TMEM178B: variants seen among roughly 807,000 people sequenced by gnomAD.
The protein encoded by TMEM178B is transmembrane protein 178B.
Under a neutral mutation model 31.0 loss-of-function variants are expected in TMEM178B, and 5 were observed. The ratio of observed to expected loss-of-function variants is 0.16; its 90% CI spans 0.08 to 0.34. The LOEUF (loss-of-function observed/expected upper bound fraction) is 0.34. Ranked by LOEUF, TMEM178B falls within the 10% of genes least tolerant of loss-of-function variation. The probability of loss-of-function intolerance (pLI) is 1.00; values close to 1 mark genes in which losing one functional copy is unlikely to be tolerated. For missense variants in TMEM178B, 275 were observed against 400.3 expected, an observed-to-expected ratio of 0.69 and a Z score of 2.67; for synonymous variants, 164 against 164.0, an observed-to-expected ratio of 1.00 and a Z score of 0.00.
intron 2 of TMEM178B, among the ~76,000 whole-genome samples, chr7:141,370,108 A>AC (rs1252288183): frequency 7.6e-6 from 1 of 130,768 alleles, no homozygotes; most frequent in East Asian, 2.1e-4. Context: ...ACCGGGAGGA[A>AC]CCCCCCAAGT....
At chr7:141,115,515 A>G (rs1313417245) in intron 1 of TMEM178B, among the ~76,000 whole-genome samples, 1 of 152,234 alleles carries the variant, frequency 6.6e-6, no homozygotes, top group African/African-American at 2.4e-5. Flanking sequence ...CATAGGACTC[A>G]GAACTTTCCC....
In TMEM178B at chr7:141,345,614, C is replaced by A. The variant is rs559708935; in HGVS notation, c.497-91994C>A. ...TGATTTTGTCATTCTCTTTACCCTG[C>A]AATGGGCTTGGTACAGATGGTTCGT... On this transcript the variant is annotated intron_variant, in intron 2 of 3. Coordinates refer to ENST00000565468, the MANE Select transcript of TMEM178B (RefSeq NM_001195278.2). 2.0e-5 allele frequency among the ~76,000 whole-genome samples: 3 copies of A among 152,288 alleles called. No homozygotes were observed. The South Asian group carries it at 6.2e-4, about 32-fold the overall frequency.
At chr7:141,405,173 A>C (rs1431079526) in intron 2 of TMEM178B, among the ~76,000 whole-genome samples, 1 of 152,242 alleles carries the variant, frequency 6.6e-6, no homozygotes, top group Admixed American at 6.5e-5. Flanking sequence ...CTTGAGTACT[A>C]ATCCAGTGGA....
intron 1 of TMEM178B, among the ~76,000 whole-genome samples, chr7:141,083,148 G>A (rs752170600): frequency 6.6e-5 from 10 of 152,060 alleles, no homozygotes; most frequent in Admixed American, 2.6e-4. Context: ...AATCACAAGC[G>A]TCTATTTAGA....
chr7:141,303,542 A>C (rs578019963), intron 2 of TMEM178B, among the ~76,000 whole-genome samples: 10 of 152,274 alleles, frequency 6.6e-5, no homozygotes, highest in Non-Finnish European at 8.8e-5. Flanking sequence ...TCATGAGAGG[A>C]GCGCCATGCT....
intron 1 of TMEM178B, among the ~76,000 whole-genome samples, chr7:141,158,553 A>G (rs1796113517): frequency 6.6e-6 from 1 of 152,224 alleles, no homozygotes; most frequent in Admixed American, 6.5e-5. Context: ...CAGCCTCCCC[A>G]AAGCCATCCT....
chr7:141,483,739 CTT>C (rs34741245), downstream of TMEM178B, among the ~76,000 whole-genome samples: 7 of 144,014 alleles, frequency 4.9e-5, no homozygotes, highest in Admixed American at 1.4e-4. Context: ...TGCCCTTCTT[CTT>C]TTTTTTTTTT....
At chr7:141,188,060 G>GT (rs1796639423) in intron 1 of TMEM178B, among the ~76,000 whole-genome samples, 1 of 152,104 alleles carries the variant, frequency 6.6e-6, no homozygotes, top group South Asian at 2.1e-4. Flanking sequence ...TTCTTCTAGG[G>GT]TTTTTATGGT....
At chr7:141,376,337 AT>A (rs1800213560) in intron 2 of TMEM178B, among the ~76,000 whole-genome samples, 1 of 152,250 alleles carries the variant, frequency 6.6e-6, no homozygotes, top group South Asian at 2.1e-4. Context: ...TACTTGGGAA[AT>A]AAACATTTGT....
At chr7:141,409,954 G>C (rs1046563233) in intron 2 of TMEM178B, among the ~76,000 whole-genome samples, 5 of 152,078 alleles carry the variant, frequency 3.3e-5, no homozygotes, top group African/African-American at 1.2e-4. Flanking sequence ...CTGAGCCCCG[G>C]GTGACATATG....
At chr7:141,501,764 C>T in the TMEM178B span, among the ~76,000 whole-genome samples, 2 of 152,162 alleles carry the variant, frequency 1.3e-5, no homozygotes, top group Admixed American at 1.3e-4. Context: ...GGGTCTCCAG[C>T]CTGCCAGGTT....
chr7:141,103,364 C>CT (rs1212975528), intron 1 of TMEM178B, among the ~76,000 whole-genome samples: 24 of 152,294 alleles, frequency 1.6e-4, no homozygotes, highest in African/African-American at 5.8e-4. Context: ...CTCGTATCCT[C>CT]TTTGATTGGA....
intron 2 of TMEM178B, among the ~76,000 whole-genome samples, chr7:141,387,540 G>A (rs1259058005): frequency 6.6e-6 from 1 of 152,216 alleles, no homozygotes; most frequent in East Asian, 1.9e-4. Flanking sequence ...TTTCAGGGCA[G>A]ACAAATCCCC....
chr7:141,329,546 C>T (rs1370227034), intron 2 of TMEM178B, among the ~76,000 whole-genome samples: 1 of 152,188 alleles, frequency 6.6e-6, no homozygotes, highest in South Asian at 2.1e-4. Flanking sequence ...TCTGTCATTG[C>T]AACATATTCA....
chr7:141,403,386 T>G (rs1434911619), intron 2 of TMEM178B, among the ~76,000 whole-genome samples: 1 of 152,208 alleles, frequency 6.6e-6, no homozygotes, highest in East Asian at 1.9e-4. Context: ...TGATCAAGTG[T>G]CAGGGCCTTT....
intron 2 of TMEM178B, among the ~76,000 whole-genome samples, chr7:141,292,447 G>A (rs528122264): frequency 6.6e-6 from 1 of 152,252 alleles, no homozygotes; most frequent in South Asian, 2.1e-4. Flanking sequence ...TTGGGACAGA[G>A]GAATGAGCTT....
chr7:141,098,974 AAAACAAACAAAC>A (rs201052116), intron 1 of TMEM178B, among the ~76,000 whole-genome samples: 2 of 152,144 alleles, frequency 1.3e-5, no homozygotes, highest in African/African-American at 4.8e-5. Flanking sequence ...AACCCAAAAC[AAAACAAACAAAC>A]AAACAAACAA....
chr7:141,217,285 G>C (rs540972503), intron 2 of TMEM178B, among the ~76,000 whole-genome samples: 2 of 152,348 alleles, frequency 1.3e-5, no homozygotes, highest in South Asian at 4.1e-4. Flanking sequence ...CAGCACAGGT[G>C]GGGCCTGGGC....
intron 1 of TMEM178B, among the ~76,000 whole-genome samples, chr7:141,173,929 T>G (rs1253525347): frequency 2.6e-5 from 4 of 152,180 alleles, no homozygotes; most frequent in Non-Finnish European, 5.9e-5. Flanking sequence ...TTCTCTACCT[T>G]TCTAATCAGT....
Sources: gnomAD v4.1 joint callset for allele counts (sites outside exome capture counted in the v4.1 genomes callset) on GRCh38, gnomAD v4.1.1 for gene constraint, MANE v1.5 for transcripts, NCBI Gene and HGNC (gene_info 2026-07-23, HGNC 2026-07-21) for gene names.